The following ADAMTSL3 variants were observed in gnomAD, a reference collection of about 807,000 sequenced individuals.
ADAMTSL3 encodes the protein ADAMTS-like protein 3.
Under a neutral mutation model 201.7 loss-of-function variants are expected in ADAMTSL3, and 128 were observed. That is an observed-to-expected ratio of 0.63 (90% CI 0.55 to 0.73). ADAMTSL3 has a LOEUF of 0.73. ADAMTSL3 is among the 30% of genes least tolerant of loss of function. The probability of loss-of-function intolerance (pLI) is 0.00; values close to 1 mark genes in which losing one functional copy is unlikely to be tolerated. For synonymous variants in ADAMTSL3, 738 were observed against 748.4 expected (o/e 0.99, Z 0.23); for missense variants, 1,990 against 2,119.6 (o/e 0.94, Z 1.20).
chr15:83,798,847 C>T (rs1325486289), intron 4 of ADAMTSL3, among the ~76,000 whole-genome samples: 1 of 150,172 alleles, frequency 6.7e-6, no homozygotes, highest in Admixed American at 6.6e-5. Flanking sequence ...ACAATAACAC[C>T]ACTTTTTGGC....
intron 3 of ADAMTSL3, among the ~76,000 whole-genome samples, chr15:83,719,971 G>A (rs184011516): frequency 6.6e-6 from 1 of 152,160 alleles, no homozygotes; most frequent in Non-Finnish European, 1.5e-5. Flanking sequence ...TGTAATCCCA[G>A]TACTTTGGGA....
intron 19 of ADAMTSL3, among the ~76,000 whole-genome samples, chr15:83,965,349 C>CAAAAAAAA (rs143907808): frequency 2.0e-5 from 2 of 98,436 alleles, no homozygotes; most frequent in Non-Finnish European, 4.0e-5. Flanking sequence ...AAATGGAAAG[C>CAAAAAAAA]AAAAAAAAAA....
intron 23 of ADAMTSL3, among the ~76,000 whole-genome samples, chr15:83,994,603 TTTTTTTTTTTTG>T (rs2067648389): frequency 7.5e-6 from 1 of 133,674 alleles, no homozygotes. Context: ...TTTTTTTTTT[TTTTTTTTTTTTG>T]ACACAGAACC....
chr15:83,883,531 TTC>T (rs2065321235), intron 9 of ADAMTSL3, among the ~76,000 whole-genome samples: 1 of 151,804 alleles, frequency 6.6e-6, no homozygotes, highest in Non-Finnish European at 1.5e-5. Flanking sequence ...TTTTTTTTTT[TTC>T]AATTGCATTT....
chr15:83,905,000 G>A (rs544645074), intron 15 of ADAMTSL3, among the ~76,000 whole-genome samples: 2 of 152,200 alleles, frequency 1.3e-5, no homozygotes, highest in African/African-American at 2.4e-5. Context: ...AGTGTTCTAC[G>A]TGGATTAAGT....
intron 5 of ADAMTSL3, among the ~76,000 whole-genome samples, chr15:83,805,218 C>T (rs2063583179): frequency 6.6e-6 from 1 of 152,232 alleles, no homozygotes; most frequent in African/African-American, 2.4e-5. Flanking sequence ...CCTTATTTTA[C>T]ATCAGTCAAC....
intron 6 of ADAMTSL3, among the ~76,000 whole-genome samples, chr15:83,829,949 A>T (rs576476924): frequency 1.3e-5 from 2 of 152,294 alleles, no homozygotes; most frequent in Non-Finnish European, 1.5e-5. Context: ...ACTTCCAGCT[A>T]TGTGGTCAAT....
At chr15:83,671,042 AT>A (rs998029948) in intron 2 of ADAMTSL3, among the ~76,000 whole-genome samples, 3 of 149,454 alleles carry the variant, frequency 2.0e-5, no homozygotes, top group African/African-American at 7.3e-5. Context: ...GCCATGATAT[AT>A]TGTTTTTTTT....
intron 23 of ADAMTSL3, among the ~76,000 whole-genome samples, chr15:83,994,582 T>C (rs912395234): frequency 1.3e-3 from 169 of 134,680 alleles, no homozygotes; most frequent in African/African-American, 4.5e-3. Context: ...TTTTTTGTTT[T>C]TTCGTTTTTT....
chr15:83,987,154 G>C (rs1436498311), intron 21 of ADAMTSL3, among the ~76,000 whole-genome samples: 1 of 152,144 alleles, frequency 6.6e-6, no homozygotes, highest in African/African-American at 2.4e-5. Flanking sequence ...TTAGACTTTT[G>C]CTTTTAACCA....
chr15:83,663,276 G>A (rs985750940), intron 2 of ADAMTSL3, among the ~76,000 whole-genome samples: 1 of 152,146 alleles, frequency 6.6e-6, no homozygotes, highest in African/African-American at 2.4e-5. Flanking sequence ...TAGAGTGGAC[G>A]GACATTCTCT....
At chr15:83,953,616 C>T (rs1216142295) in intron 19 of ADAMTSL3, among the ~76,000 whole-genome samples, 2 of 152,174 alleles carry the variant, frequency 1.3e-5, no homozygotes, top group African/African-American at 4.8e-5. Flanking sequence ...TGTGTACTTA[C>T]TATTACCAGT....
intron 2 of ADAMTSL3, among the ~76,000 whole-genome samples, chr15:83,665,858 T>G (rs2061241597): frequency 1.3e-5 from 2 of 152,220 alleles, no homozygotes; most frequent in Non-Finnish European, 2.9e-5. Flanking sequence ...AAACGGTATT[T>G]TATTTTGAAA....
chr15:83,968,874 A>G (rs2067138429), intron 19 of ADAMTSL3, among the ~76,000 whole-genome samples: 1 of 152,174 alleles, frequency 6.6e-6, no homozygotes. Context: ...GGAACTGGAG[A>G]CCATCATTCT....
intron 19 of ADAMTSL3, among the ~76,000 whole-genome samples, chr15:83,952,712 G>A (rs544971121): frequency 5.3e-5 from 8 of 151,538 alleles, no homozygotes; most frequent in South Asian, 2.1e-4. Context: ...AGGTTGAGGC[G>A]AGAGAATCAC....
chr15:83,691,955 G>T (rs1158557983), intron 2 of ADAMTSL3, among the ~76,000 whole-genome samples: 1 of 152,172 alleles, frequency 6.6e-6, no homozygotes, highest in Non-Finnish European at 1.5e-5. Context: ...AGAATGGTAT[G>T]ATGATGTTTT....
At chr15:84,027,701 C>T (rs1008246944) in intron 27 of ADAMTSL3, among the ~76,000 whole-genome samples, 2 of 151,856 alleles carry the variant, frequency 1.3e-5, no homozygotes, top group Non-Finnish European at 2.9e-5. Flanking sequence ...CAGAGCGAGA[C>T]TCTGTCTCAA....
At chr15:83,694,954 G>A (rs2141469630) in intron 2 of ADAMTSL3, among the ~76,000 whole-genome samples, 1 of 152,224 alleles carries the variant, frequency 6.6e-6, no homozygotes, top group South Asian at 2.1e-4. Context: ...ATGTGTTCTA[G>A]CAAGATCTTT....
intron 6 of ADAMTSL3, among the ~76,000 whole-genome samples, chr15:83,830,612 G>C (rs1277916504): frequency 6.6e-6 from 1 of 152,202 alleles, no homozygotes; most frequent in Non-Finnish European, 1.5e-5. Flanking sequence ...GGGGATGCAG[G>C]ATGCATTAGT....
Sources: gnomAD v4.1 joint callset for allele counts (sites outside exome capture counted in the v4.1 genomes callset) on GRCh38, gnomAD v4.1.1 for gene constraint, MANE v1.5 for transcripts, NCBI Gene and HGNC (gene_info 2026-07-23, HGNC 2026-07-21) for gene names.